Variants in KLF12 observed in about 807,000 individuals in gnomAD.
KLF12 encodes the protein Krueppel-like factor 12.
A neutral mutation model predicts 37.8 loss-of-function variants in KLF12; 9 were observed. That is an observed-to-expected ratio of 0.24 (90% CI 0.14 to 0.42). The LOEUF (loss-of-function observed/expected upper bound fraction) is 0.42, where lower values mean the gene tolerates loss of function less well. Among genes scored for constraint, KLF12 ranks in the 10% least tolerant of loss-of-function variants. KLF12 has a pLI of 1.00. For missense variants in KLF12, 411 were observed against 516.0 expected (o/e 0.80, Z 1.97); for synonymous variants, 208 against 202.1 (o/e 1.03, Z -0.25).
At chr13:74,128,363 T>C (rs528877839) in intron 1 of KLF12, among the ~76,000 whole-genome samples, 2 of 151,154 alleles carry the variant, frequency 1.3e-5, no homozygotes, top group South Asian at 4.2e-4. Flanking sequence ...GGGAGGGCAG[T>C]GTGGGGGCGG....
chr13:74,191,525 C>G, the KLF12 span, among the ~76,000 whole-genome samples: 1 of 152,150 alleles, frequency 6.6e-6, no homozygotes, highest in South Asian at 2.1e-4. Flanking sequence ...TGTCTGCCTC[C>G]TAGGTTAATG....
At chr13:73,759,553 C>A (rs1879411617) in intron 6 of KLF12, among the ~76,000 whole-genome samples, 1 of 152,150 alleles carries the variant, frequency 6.6e-6, no homozygotes, top group Non-Finnish European at 1.5e-5. Flanking sequence ...AGGCAAAAGC[C>A]TTCTGCTTAG....
At chr13:73,994,520 A>G (rs1301134055) in intron 2 of KLF12, among the ~76,000 whole-genome samples, 1 of 151,832 alleles carries the variant, frequency 6.6e-6, no homozygotes, top group African/African-American at 2.4e-5. Context: ...ACCAAATATT[A>G]AAGTTTTCCA....
chr13:73,747,235 T>C (rs1472380265), intron 6 of KLF12, among the ~76,000 whole-genome samples: 3 of 152,022 alleles, frequency 2.0e-5, no homozygotes, highest in Non-Finnish European at 4.4e-5. Context: ...ATGCACACAA[T>C]TGAGGGCCAT....
chr13:73,815,043 T>TA (rs760146114), intron 4 of KLF12, among the ~76,000 whole-genome samples: 136 of 132,586 alleles, frequency 1.0e-3, no homozygotes, highest in Non-Finnish European at 1.4e-3. Context: ...GGCCTTGTCT[T>TA]AAAAAAAAAA....
chr13:74,078,965 C>T (rs1378411871), intron 1 of KLF12, among the ~76,000 whole-genome samples: 6 of 152,104 alleles, frequency 3.9e-5, no homozygotes, highest in African/African-American at 1.4e-4. Context: ...TGCCAAATCG[C>T]CTTCAGAGAC....
chr13:73,732,660 T>C (rs1345098809), intron 6 of KLF12, among the ~76,000 whole-genome samples: 1 of 152,200 alleles, frequency 6.6e-6, no homozygotes, highest in Non-Finnish European at 1.5e-5. Flanking sequence ...CCGTTTCTCC[T>C]TTCTGTTTCA....
intron 1 of KLF12, among the ~76,000 whole-genome samples, chr13:74,097,899 C>A (rs1189924254): frequency 6.6e-6 from 1 of 152,042 alleles, no homozygotes; most frequent in Non-Finnish European, 1.5e-5. Flanking sequence ...GGTACATCTG[C>A]TGACCCACCA....
intron 1 of KLF12, among the ~76,000 whole-genome samples, chr13:74,076,408 G>C (rs75794885): frequency 0.021 from 3,147 of 152,260 alleles, 107 homozygotes; most frequent in African/African-American, 0.066. Flanking sequence ...AGACAGGTGA[G>C]GGGTGTTCTC....
At chr13:73,712,769 C>A (rs879836160) in intron 7 of KLF12, among the ~76,000 whole-genome samples, 10 of 152,228 alleles carry the variant, frequency 6.6e-5, no homozygotes, top group Admixed American at 3.9e-4. Context: ...AGAGGCAAGA[C>A]CCTCCACTAG....
At chr13:73,983,308 T>C (rs947211358) in intron 2 of KLF12, among the ~76,000 whole-genome samples, 1 of 152,202 alleles carries the variant, frequency 6.6e-6, no homozygotes, top group Admixed American at 6.5e-5. Context: ...GAAGCTGCCC[T>C]ATGCCACCAC....
chr13:73,852,483 A>G (rs1322459894), intron 3 of KLF12, among the ~76,000 whole-genome samples: 1 of 152,174 alleles, frequency 6.6e-6, no homozygotes, highest in Non-Finnish European at 1.5e-5. Flanking sequence ...TTGTCAGTTT[A>G]AGAAATGATT....
chr13:73,955,769 A>G (rs1293935674), intron 2 of KLF12, among the ~76,000 whole-genome samples: 1 of 152,222 alleles, frequency 6.6e-6, no homozygotes, highest in Non-Finnish European at 1.5e-5. Context: ...TGAGCCCTGG[A>G]AAACTTTCAA....
chr13:73,829,298 T>C (rs543580433), intron 4 of KLF12, among the ~76,000 whole-genome samples: 2 of 152,188 alleles, frequency 1.3e-5, no homozygotes, highest in Non-Finnish European at 2.9e-5. Flanking sequence ...AATTTTTGAA[T>C]CTGGCAGGCC....
intron 3 of KLF12, among the ~76,000 whole-genome samples, chr13:73,857,954 A>G (rs571281959): frequency 1.3e-5 from 2 of 152,224 alleles, no homozygotes; most frequent in Non-Finnish European, 2.9e-5. Context: ...AACTATACAA[A>G]AAGTATGAGC....
intron 1 of KLF12, among the ~76,000 whole-genome samples, chr13:74,089,485 G>C (rs954777663): frequency 6.6e-6 from 1 of 152,048 alleles, no homozygotes. Context: ...TTTAAAAATT[G>C]TGACAAAGAT....
chr13:74,269,577 G>A, the KLF12 span, among the ~76,000 whole-genome samples: 2 of 152,148 alleles, frequency 1.3e-5, no homozygotes, highest in Non-Finnish European at 2.9e-5. Flanking sequence ...AATTATACAC[G>A]ATGATATCAT....
intron 5 of KLF12, 99 bp from the exon 6 acceptor site, chr13:73,765,099 G>T: frequency 1.4e-6 from 1 of 690,320 alleles, no homozygotes; most frequent in Non-Finnish European, 2.4e-6. Flanking sequence ...TTTTAGAATT[G>T]CTTAATACAA....
At chr13:73,901,414 C>T (rs1340056816) in intron 3 of KLF12, among the ~76,000 whole-genome samples, 1 of 152,132 alleles carries the variant, frequency 6.6e-6, no homozygotes, top group Admixed American at 6.5e-5. Context: ...ATAGAAATAT[C>T]TTCAGTCCAC....
Sources: gnomAD v4.1 joint callset for allele counts (sites outside exome capture counted in the v4.1 genomes callset) on GRCh38, gnomAD v4.1.1 for gene constraint, MANE v1.5 for transcripts, NCBI Gene and HGNC (gene_info 2026-07-23, HGNC 2026-07-21) for gene names.